Variants in TMPRSS11A observed in about 807,000 individuals in gnomAD.
TMPRSS11A encodes transmembrane protease serine 11A.
In TMPRSS11A, 53 loss-of-function variants were observed where a neutral mutation model predicts 58.9. The observed-to-expected ratio is 0.90, with a 90% CI of 0.72 to 1.13. TMPRSS11A has a LOEUF of 1.13. Ranked by LOEUF, TMPRSS11A falls within the 50% of genes most tolerant of loss-of-function variation. TMPRSS11A has a pLI of 0.00. For missense variants in TMPRSS11A, 493 were observed against 499.3 expected, an observed-to-expected ratio of 0.99 and a Z score of 0.12; for synonymous variants, 167 against 169.8, an observed-to-expected ratio of 0.98 and a Z score of 0.13.
intron 9 of TMPRSS11A, among the ~76,000 whole-genome samples, chr4:67,913,946 A>G (rs1295688591): frequency 6.6e-6 from 1 of 152,248 alleles, no homozygotes; most frequent in Non-Finnish European, 1.5e-5. Context: ...CATCCATGTT[A>G]GAAGGCAGAT....
At chr4:67,956,579 G>C (rs1370842) in intron 1 of TMPRSS11A, among the ~76,000 whole-genome samples, 152,131 of 152,332 alleles carry the variant, frequency 1, 75,966 homozygotes, top group Middle Eastern at 1. Context: ...ATAGGGCAGG[G>C]ACAGGGACTA....
At chr4:67,953,581 G>A (rs1304591919) in intron 1 of TMPRSS11A, among the ~76,000 whole-genome samples, 1 of 152,268 alleles carries the variant, frequency 6.6e-6, no homozygotes, top group Non-Finnish European at 1.5e-5. Context: ...GGCAGATCAT[G>A]TGAGGTTGGG....
chr4:67,940,365 C>T (rs114886745), intron 3 of TMPRSS11A, among the ~76,000 whole-genome samples: 1,653 of 150,218 alleles, frequency 0.011, 29 homozygotes, highest in African/African-American at 0.038. Flanking sequence ...TAGTTTGGGC[C>T]TTTTTTTTTC....
At chr4:67,956,654 TG>T (rs1362004444) in intron 1 of TMPRSS11A, among the ~76,000 whole-genome samples, 1 of 152,186 alleles carries the variant, frequency 6.6e-6, no homozygotes, top group Non-Finnish European at 1.5e-5. Flanking sequence ...ATTTAGTAAG[TG>T]TATAATAAAT....
At chr4:67,921,202 T>C (rs1720321267) in intron 7 of TMPRSS11A, among the ~76,000 whole-genome samples, 1 of 152,214 alleles carries the variant, frequency 6.6e-6, no homozygotes, top group African/African-American at 2.4e-5. Flanking sequence ...TGGCTAACTT[T>C]GGCAAAGTAA....
At chr4:67,941,691 G>T (rs188947151) in intron 3 of TMPRSS11A, among the ~76,000 whole-genome samples, 229 of 152,244 alleles carry the variant, frequency 1.5e-3, no homozygotes, top group African/African-American at 5.2e-3. Context: ...CTCACTATAT[G>T]AATTAAAAAA....
At chr4:67,940,357 G>A (rs1281353352) in intron 3 of TMPRSS11A, among the ~76,000 whole-genome samples, 1 of 151,812 alleles carries the variant, frequency 6.6e-6, no homozygotes, top group East Asian at 1.9e-4. Context: ...AATCCATCTA[G>A]TTTGGGCCTT....
At chr4:67,938,276 T>TAA (rs1720800188) in intron 3 of TMPRSS11A, among the ~76,000 whole-genome samples, 1 of 152,168 alleles carries the variant, frequency 6.6e-6, no homozygotes, top group Non-Finnish European at 1.5e-5. Flanking sequence ...CTTGTTGAGT[T>TAA]GTTTAAGTTC....
intron 3 of TMPRSS11A, among the ~76,000 whole-genome samples, chr4:67,940,470 A>G (rs531574438): frequency 1.4e-4 from 21 of 152,200 alleles, no homozygotes; most frequent in African/African-American, 4.3e-4. Flanking sequence ...CAATCTTGGA[A>G]GATTGTGTTT....
At chr4:67,938,465 T>A (rs1720805588) in intron 3 of TMPRSS11A, among the ~76,000 whole-genome samples, 1 of 152,198 alleles carries the variant, frequency 6.6e-6, no homozygotes, top group African/African-American at 2.4e-5. Flanking sequence ...GAGGACTTAG[T>A]CCTAAATTCT....
intron 3 of TMPRSS11A, among the ~76,000 whole-genome samples, chr4:67,943,027 T>C (rs1720917030): frequency 9.1e-6 from 1 of 109,350 alleles, no homozygotes; most frequent in Non-Finnish European, 2.1e-5. Flanking sequence ...CATAGAATGA[T>C]TTCCTGCAAG....
intron 1 of TMPRSS11A, among the ~76,000 whole-genome samples, chr4:67,956,876 C>A (rs190841319): frequency 3.3e-5 from 5 of 152,292 alleles, no homozygotes; most frequent in Non-Finnish European, 5.9e-5. Flanking sequence ...GTACCTCCCA[C>A]AATTCCCATA....
At chr4:67,941,591 G>C (rs1259044211) in intron 3 of TMPRSS11A, among the ~76,000 whole-genome samples, 1 of 152,082 alleles carries the variant, frequency 6.6e-6, no homozygotes, top group Admixed American at 6.6e-5. Flanking sequence ...GCAAGACCCA[G>C]GTGCCAAGAA....
chr4:67,929,437 A>G (rs916548610), intron 5 of TMPRSS11A, among the ~76,000 whole-genome samples: 24 of 152,256 alleles, frequency 1.6e-4, no homozygotes, highest in African/African-American at 2.4e-4. Flanking sequence ...CCATTTTCCC[A>G]AATGCCCATA....
At chr4:67,933,870 C>T (rs1344042782) in intron 3 of TMPRSS11A, among the ~76,000 whole-genome samples, 1 of 152,070 alleles carries the variant, frequency 6.6e-6, no homozygotes, top group East Asian at 1.9e-4. Flanking sequence ...TGTAATTACC[C>T]TCTGAATAAG....
chr4:67,938,972 G>A (rs1399811687), intron 3 of TMPRSS11A, among the ~76,000 whole-genome samples: 1 of 151,926 alleles, frequency 6.6e-6, no homozygotes, highest in South Asian at 2.1e-4. Flanking sequence ...AGTTTGATAG[G>A]AATAGCATTG....
intron 7 of TMPRSS11A, 84 bp from the exon 8 acceptor site, chr4:67,919,316 G>A: frequency 2.4e-6 from 3 of 1,254,610 alleles, no homozygotes; most frequent in Non-Finnish European, 3.4e-6. Flanking sequence ...GCTAATATAA[G>A]AGAAATACAA....
intron 7 of TMPRSS11A, among the ~76,000 whole-genome samples, chr4:67,921,109 T>C (rs1207021222): frequency 2.0e-5 from 3 of 152,154 alleles, no homozygotes; most frequent in Non-Finnish European, 2.9e-5. Context: ...AAACAAATAT[T>C]GATGGTAGAA....
chr4:67,948,395 T>A (rs1056166394), intron 1 of TMPRSS11A, among the ~76,000 whole-genome samples: 8 of 152,266 alleles, frequency 5.3e-5, no homozygotes, highest in African/African-American at 1.9e-4. Flanking sequence ...CCTGACCTGG[T>A]GATCCACCCA....
Sources: gnomAD v4.1 joint callset for allele counts (sites outside exome capture counted in the v4.1 genomes callset) on GRCh38, gnomAD v4.1.1 for gene constraint, MANE v1.5 for transcripts, NCBI Gene and HGNC (gene_info 2026-07-23, HGNC 2026-07-21) for gene names.